TYW1B: variants seen among roughly 807,000 people sequenced by gnomAD.
The protein encoded by TYW1B is S-adenosyl-L-methionine-dependent tRNA 4-demethylwyosine synthase TYW1B.
In TYW1B, 73 loss-of-function variants were observed where a neutral mutation model predicts 86.9. The observed-to-expected ratio is 0.84, with a 90% confidence interval of 0.70 to 1.02. TYW1B has a LOEUF of 1.02. TYW1B is among the 50% of genes least tolerant of loss of function. The pLI is 0.00. For missense variants in TYW1B, 637 were observed against 827.4 expected (o/e 0.77, Z 2.82); for synonymous variants, 248 against 292.8 (o/e 0.85, Z 1.56).
chr7:72,825,275 AAG>A (rs1554481245), intron 2 of TYW1B, among the ~76,000 whole-genome samples: 1 of 152,128 alleles, frequency 6.6e-6, no homozygotes, highest in African/African-American at 2.4e-5. Flanking sequence ...CCCCCCAAAA[AAG>A]AGAGAATGGG....
At chr7:72,652,675 T>C (rs545939038) in intron 11 of TYW1B, among the ~76,000 whole-genome samples, 44 of 152,188 alleles carry the variant, frequency 2.9e-4, no homozygotes, top group African/African-American at 9.9e-4. Flanking sequence ...CTTAGTGATA[T>C]AGTATACTGT....
chr7:72,612,746 TTTTA>T (rs1312970555), intron 13 of TYW1B, among the ~76,000 whole-genome samples: 2 of 152,120 alleles, frequency 1.3e-5, no homozygotes, highest in African/African-American at 2.4e-5. Context: ...AAACCATTTC[TTTTA>T]TTTATTTATT....
intron 13 of TYW1B, among the ~76,000 whole-genome samples, chr7:72,599,828 T>C (rs1377919194): frequency 6.6e-6 from 1 of 152,086 alleles, no homozygotes; most frequent in Non-Finnish European, 1.5e-5. Context: ...ACAAAACAGA[T>C]ACACGATATA....
chr7:72,823,994 G>C (rs1187228166), intron 2 of TYW1B, among the ~76,000 whole-genome samples: 2 of 151,884 alleles, frequency 1.3e-5, no homozygotes, highest in Non-Finnish European at 2.9e-5. Flanking sequence ...TGCATAAAGA[G>C]GCTCTGAAAA....
chr7:72,648,269 G>A (rs1241177607), intron 11 of TYW1B, among the ~76,000 whole-genome samples: 3 of 152,040 alleles, frequency 2.0e-5, no homozygotes, highest in Admixed American at 6.6e-5. Flanking sequence ...TCTGCCAGGC[G>A]TGGTGGTTTA....
At chr7:72,581,282 C>T (rs1811144293) in intron 13 of TYW1B, among the ~76,000 whole-genome samples, 1 of 144,528 alleles carries the variant, frequency 6.9e-6, no homozygotes. Context: ...TTTCCTGTTT[C>T]TGGACCACCA....
chr7:72,793,198 G>A (rs1380967779), intron 6 of TYW1B, among the ~76,000 whole-genome samples: 6 of 152,108 alleles, frequency 3.9e-5, no homozygotes, highest in African/African-American at 1.4e-4. Flanking sequence ...ATAGCCAGGT[G>A]TGGTGGCACA....
intron 8 of TYW1B, among the ~76,000 whole-genome samples, chr7:72,730,360 A>T (rs1451738327): frequency 6.6e-6 from 1 of 151,324 alleles, no homozygotes; most frequent in African/African-American, 2.4e-5. Context: ...GATCTAAATG[A>T]GAAATTCAAC....
Position 72,725,920 on chromosome 7 carries a change from A to C in TYW1B, c.1192+2902T>G, listed in dbSNP as rs372127507. ...CACATACACATACACGTACATACAC[A>C]CACACCCATTGGTTCTGTTTTTCTG... is the stretch of plus-strand genomic sequence containing the variant. On this transcript the variant is annotated intron_variant, in intron 9 of 13. Transcript: ENST00000620995. 1.8e-4 allele frequency among the ~76,000 whole-genome samples: 28 copies of C among 152,218 alleles called. No homozygotes were observed. In the South Asian group the frequency reaches 5.8e-3, roughly 32 times the overall value.
Position 72,653,866 on chromosome 7 carries a change from G to C in TYW1B, c.1507-24869C>G, listed in dbSNP as rs532763688. On this transcript the variant is annotated intron_variant, in intron 11 of 13. Coordinates refer to ENST00000620995, the MANE Select transcript of TYW1B (RefSeq NM_001145440.3). ...GGAGGCCGAAGCGGGTGGATCACAA[G>C]GTCAGGAGTTTGAGACCAGCCCAAC... Among the ~76,000 whole-genome samples the C allele has an allele frequency of 3.3e-5, 5 of 152,208 alleles. No homozygotes were observed. In the South Asian group the frequency reaches 8.3e-4, roughly 25 times the overall value.
chr7:72,652,382 A>G (rs1309084038), intron 11 of TYW1B, among the ~76,000 whole-genome samples: 15 of 138,278 alleles, frequency 1.1e-4, no homozygotes, highest in African/African-American at 4.5e-4. Flanking sequence ...TGTCTGAAAA[A>G]AAAAAAAAAA....
chr7:72,586,721 A>G (rs562594273), intron 13 of TYW1B, among the ~76,000 whole-genome samples: 2 of 151,662 alleles, frequency 1.3e-5, no homozygotes, highest in East Asian at 3.9e-4. Flanking sequence ...TGGGTGACAG[A>G]GTGAGACGCC....
chr7:72,790,271 AGCCCTTC>A lies in TYW1B; in HGVS notation c.846+12122_846+12128del, dbSNP rs1788198379. Among the ~76,000 whole-genome samples, 4 of 152,088 alleles carry A rather than the reference AGCCCTTC, an allele frequency of 2.6e-5. No homozygotes were observed. The South Asian group carries it at 8.3e-4, about 32-fold the overall frequency. ...AGGAGTATCTTTGTTACTCATGGTG[AGCCCTTC>A]AGACTACATCTGATGTTTTATGCTA... On this transcript the variant is annotated intron_variant, in intron 6 of 13. Coordinates refer to ENST00000620995, the MANE Select transcript of TYW1B (RefSeq NM_001145440.3).
chr7:72,743,844 C>CAA (rs71071911), intron 8 of TYW1B, among the ~76,000 whole-genome samples: 966 of 87,462 alleles, frequency 0.011, 15 homozygotes, highest in African/African-American at 0.035. Flanking sequence ...AACTCCATCT[C>CAA]AAAAAAAAAA....
At chr7:72,733,838 C>G (rs1787154992) in intron 8 of TYW1B, among the ~76,000 whole-genome samples, 1 of 152,114 alleles carries the variant, frequency 6.6e-6, no homozygotes. Context: ...TATCAAACCA[C>G]CAAAGACATT....
chr7:72,678,914 A>T (rs55642698), intron 11 of TYW1B, among the ~76,000 whole-genome samples: 1 of 152,030 alleles, frequency 6.6e-6, no homozygotes, highest in African/African-American at 2.4e-5. Flanking sequence ...TGGGCAACAT[A>T]GTGAGACTCC....
intron 3 of TYW1B, among the ~76,000 whole-genome samples, chr7:72,811,714 C>G (rs7799276): frequency 0.67 from 101,870 of 150,978 alleles, 35,336 homozygotes; most frequent in Non-Finnish European, 0.75. Flanking sequence ...GAGTTCAAGA[C>G]CAGCCTAAGC....
At chr7:72,755,239 G>C (rs781990400) in intron 7 of TYW1B, among the ~76,000 whole-genome samples, 1 of 152,000 alleles carries the variant, frequency 6.6e-6, no homozygotes. Context: ...GCAACATAAG[G>C]AGACCCTGTC....
At chr7:72,575,776 T>G (rs1811008653) in intron 13 of TYW1B, 57 bp from the exon 14 acceptor site, 17 of 1,571,992 alleles carry the variant, frequency 1.1e-5, no homozygotes, top group Non-Finnish European at 1.5e-5. Context: ...AAAAAAAAAA[T>G]GAATGTTTTT....
Sources: allele counts gnomAD v4.1 joint callset (sites outside exome capture counted in the v4.1 genomes callset), GRCh38; gene constraint gnomAD v4.1.1; transcripts MANE v1.5; gene names NCBI Gene and HGNC (gene_info 2026-07-23, HGNC 2026-07-21).